Variants in RYR3 observed in about 807,000 individuals in gnomAD.
RYR3 encodes brain ryanodine receptor-calcium release channel.
In RYR3, 207 loss-of-function variants were observed where a neutral mutation model predicts 584.3. The observed-to-expected ratio is 0.35, with a 90% CI of 0.32 to 0.40. The LOEUF is 0.40. Ranked by LOEUF, RYR3 falls within the 10% of genes least tolerant of loss-of-function variation. RYR3 has a pLI of 1.00. For missense variants in RYR3, 5,616 were observed against 6,089.2 expected (o/e 0.92, Z 2.59); for synonymous variants, 2,416 against 2,248.5 (o/e 1.07, Z -2.11).
chr15:33,631,739 A>G (rs1018048067), intron 23 of RYR3, among the ~76,000 whole-genome samples: 3 of 152,118 alleles, frequency 2.0e-5, no homozygotes, highest in Non-Finnish European at 4.4e-5. Context: ...CTCTCCCACT[A>G]CATTCAGACA....
intron 98 of RYR3, chr15:33,856,501 G>A (rs1287359136): frequency 6.6e-6 from 1 of 152,212 alleles, no homozygotes; most frequent in Admixed American, 6.5e-5. Context: ...AAAGGGCCTG[G>A]GCAGAATTCT....
chr15:33,422,442 A>G (rs2044304942), intron 1 of RYR3, among the ~76,000 whole-genome samples: 1 of 152,228 alleles, frequency 6.6e-6, no homozygotes, highest in African/African-American at 2.4e-5. Flanking sequence ...GTAACAGTGT[A>G]GTAGAATACA....
intron 81 of RYR3, among the ~76,000 whole-genome samples, chr15:33,825,364 T>A (rs117749863): frequency 0.014 from 2,140 of 152,270 alleles, 32 homozygotes; most frequent in Middle Eastern, 0.041. Context: ...AGAGTCACCG[T>A]AAGTGTTCAT....
chr15:33,539,253 A>G (rs1007069051), intron 5 of RYR3, 97 bp from the exon 6 acceptor site: 1 of 722,520 alleles, frequency 1.4e-6, no homozygotes, highest in African/African-American at 1.8e-5. Flanking sequence ...TGTTGTGTGC[A>G]CGTGAAGGGT....
intron 1 of RYR3, among the ~76,000 whole-genome samples, chr15:33,457,823 T>G (rs1455023752): frequency 6.6e-6 from 1 of 152,230 alleles, no homozygotes; most frequent in Non-Finnish European, 1.5e-5. Context: ...AACATCACAC[T>G]CTACCCCACA....
intron 11 of RYR3, among the ~76,000 whole-genome samples, chr15:33,564,248 T>C (rs1175114967): frequency 6.6e-6 from 1 of 152,224 alleles, no homozygotes; most frequent in Non-Finnish European, 1.5e-5. Context: ...CCTAAAATTC[T>C]ACATGCCGTT....
rs939048306 is a variant in RYR3, at chr15:33,649,002, T to A, written c.3979-70T>A. ...AGTGAGCTGCTGTGTTATTTCTGCC[T>A]CTTGGGCCCCCTATCTTCAACTGGA... On this transcript the variant is annotated intron_variant, in intron 30 of 103. Coordinates refer to ENST00000634891, the MANE Select transcript of RYR3 (RefSeq NM_001036.6). 7 of 1,482,416 alleles carry A rather than the reference T, an allele frequency of 4.7e-6. No individual in the cohort carries two copies. In the African/African-American group the frequency reaches 6.9e-5, roughly 15 times the overall value. The allele number at this position is 1,482,416 out of a possible 1,614,324, so 91.8% of individuals were successfully genotyped here. A position where few individuals can be genotyped will look rare whatever the true frequency, so the allele number is the denominator to read the frequency against.
At chr15:33,754,434 T>C (rs4780177) in intron 57 of RYR3, among the ~76,000 whole-genome samples, 75,024 of 152,058 alleles carry the variant, frequency 0.49, 19,920 homozygotes, top group Admixed American at 0.63. Context: ...CAACGCAACA[T>C]GCATGCTCCT....
chr15:33,310,983 C>CG lies in RYR3; in HGVS notation c.-62dup. The CG allele has an allele frequency of 7.5e-7, 1 of 1,341,210 alleles. No individual in the cohort carries two copies. Among genetic ancestry groups the CG allele is most frequent in the South Asian group, 1.3e-5 (1 of 78,168 alleles). 83.1% of individuals were successfully genotyped at this position (1,341,210 alleles called of 1,614,324 possible). A position where few individuals can be genotyped will look rare whatever the true frequency, so the allele number is the denominator to read the frequency against. Reference sequence around the variant, plus strand: ...GAGCGCAGCAGCAGTCAGCGCACGCCGAGCGGCTGCCGGGGGAAGCAGAGG... The same window carrying CG: ...GAGCGCAGCAGCAGTCAGCGCACGCCGGAGCGGCTGCCGGGGGAAGCAGAGG... On this transcript the variant is annotated 5_prime_UTR_variant, in exon 1 of 104. Transcript: ENST00000634891.
At chr15:33,859,099 A>G (rs2080057373) in intron 99 of RYR3, 1 of 154,762 alleles carries the variant, frequency 6.5e-6, no homozygotes, top group African/African-American at 2.4e-5. Flanking sequence ...TCAAACCTGC[A>G]GAACAGGAGG....
intron 35 of RYR3, among the ~76,000 whole-genome samples, chr15:33,663,157 C>T (rs2063269258): frequency 6.6e-6 from 1 of 152,092 alleles, no homozygotes; most frequent in African/African-American, 2.4e-5. Flanking sequence ...CAACTCATCC[C>T]AGAAAAACAG....
chr15:33,428,277 G>A (rs922277283), intron 1 of RYR3, among the ~76,000 whole-genome samples: 4 of 152,222 alleles, frequency 2.6e-5, no homozygotes, highest in Non-Finnish European at 4.4e-5. Flanking sequence ...ATGGCACAAT[G>A]ATCCTTAACA....
At chr15:33,617,411 C>CA (rs200334863) in intron 19 of RYR3, among the ~76,000 whole-genome samples, 89 of 143,356 alleles carry the variant, frequency 6.2e-4, no homozygotes, top group South Asian at 3.8e-3. Flanking sequence ...GACTCTGACT[C>CA]AAAAAAAAAA....
chr15:33,670,972 A>G (rs1015065548), intron 38 of RYR3, among the ~76,000 whole-genome samples: 1 of 152,166 alleles, frequency 6.6e-6, no homozygotes, highest in Non-Finnish European at 1.5e-5. Flanking sequence ...TAATAATAAA[A>G]GAGAGTTTGT....
At chr15:33,403,374 A>G (rs2042811287) in intron 1 of RYR3, among the ~76,000 whole-genome samples, 1 of 152,190 alleles carries the variant, frequency 6.6e-6, no homozygotes, top group African/African-American at 2.4e-5. Context: ...TACATGTTTA[A>G]AGCTATGAAA....
chr15:33,360,224 C>A (rs1233897975), intron 1 of RYR3, among the ~76,000 whole-genome samples: 2 of 152,160 alleles, frequency 1.3e-5, no homozygotes, highest in African/African-American at 4.8e-5. Flanking sequence ...ATCACTCTTA[C>A]AGTCGTGAGA....
chr15:33,604,205 A>G (rs1363785121), intron 18 of RYR3, among the ~76,000 whole-genome samples: 1 of 152,262 alleles, frequency 6.6e-6, no homozygotes, highest in Non-Finnish European at 1.5e-5. Context: ...ATAAGTAACC[A>G]TGACACACAT....
chr15:33,448,608 C>A (rs2046861077), intron 1 of RYR3, among the ~76,000 whole-genome samples: 2 of 152,182 alleles, frequency 1.3e-5, no homozygotes, highest in African/African-American at 4.8e-5. Context: ...CAGATGGTGA[C>A]AAAGTAATGA....
At chr15:33,379,446 T>C (rs1325284184) in intron 1 of RYR3, among the ~76,000 whole-genome samples, 1 of 152,276 alleles carries the variant, frequency 6.6e-6, no homozygotes, top group Non-Finnish European at 1.5e-5. Context: ...CTTTTTGTCA[T>C]TGTTCTGTTT....
Sources: gnomAD v4.1 joint callset for allele counts (sites outside exome capture counted in the v4.1 genomes callset) on GRCh38, gnomAD v4.1.1 for gene constraint, MANE v1.5 for transcripts, NCBI Gene and HGNC (gene_info 2026-07-23, HGNC 2026-07-21) for gene names.